DMD: variants seen among roughly 807,000 people sequenced by gnomAD.
The protein encoded by DMD is mutant dystrophin.
Under a neutral mutation model 330.1 loss-of-function variants are expected in DMD, and 63 were observed. That is an observed-to-expected ratio of 0.19 (90% CI 0.16 to 0.24). DMD has a LOEUF of 0.24. Ranked by LOEUF, DMD falls within the 10% of genes least tolerant of loss-of-function variation. DMD has a pLI of 1.00. For missense variants in DMD, 3,344 were observed against 2,684.1 expected (o/e 1.25, Z -5.43); for synonymous variants, 1,223 against 959.8 (o/e 1.27, Z -5.07).
chrX:31,261,367 C>T (rs2050497528), intron 62 of DMD: 1 of 217,993 alleles, frequency 4.6e-6, no homozygotes, highest in Admixed American at 6.3e-5. Context: ...TGGAACACTA[C>T]AGAAAGGACA....
chrX:31,168,028 A>T (rs778344371), intron 74 of DMD, among the ~76,000 whole-genome samples: 2 of 112,315 alleles, frequency 1.8e-5, no homozygotes, highest in South Asian at 7.4e-4. Context: ...GGGATCTAGC[A>T]GGGCTCCATG....
At chrX:31,600,659 T>G (rs1281956540) in intron 55 of DMD, among the ~76,000 whole-genome samples, 2 of 107,858 alleles carry the variant, frequency 1.9e-5, no homozygotes, top group African/African-American at 3.4e-5. Flanking sequence ...AGGAGAGGAC[T>G]AGCAAACCAC....
chrX:31,473,157 G>A (rs1029043631), intron 59 of DMD, among the ~76,000 whole-genome samples: 1 of 103,068 alleles, frequency 9.7e-6, no homozygotes, highest in African/African-American at 3.6e-5. Flanking sequence ...AGAAGTTCGA[G>A]ACCAGCCTGG....
chrX:32,421,173 G>A (rs2098188021), intron 29 of DMD, among the ~76,000 whole-genome samples: 1 of 112,276 alleles, frequency 8.9e-6, no homozygotes, highest in Non-Finnish European at 1.9e-5. Context: ...TGGAGAAGTT[G>A]ATGTGCAAGG....
chrX:31,284,569 C>CTTCTTCTTCTTCTTCTTCTTCTTCTTCT (rs2052930142), intron 62 of DMD, among the ~76,000 whole-genome samples: 1 of 61,695 alleles, frequency 1.6e-5, no homozygotes, highest in African/African-American at 6.4e-5. Flanking sequence ...TCTTCTTCTT[C>CTTCTTCTTCTTCTTCTTCTTCTTCTTCT]TTCTTCTTCT....
At chrX:31,340,255 C>G (rs1301309608) in intron 61 of DMD, among the ~76,000 whole-genome samples, 1 of 112,424 alleles carries the variant, frequency 8.9e-6, no homozygotes, top group Non-Finnish European at 1.9e-5. Context: ...TACAGTGTCT[C>G]ATAATCTGAG....
intron 44 of DMD, among the ~76,000 whole-genome samples, chrX:32,013,319 T>C (rs1015303699): frequency 9.0e-6 from 1 of 110,508 alleles, no homozygotes; most frequent in Non-Finnish European, 1.9e-5. Context: ...ACTCCTGACC[T>C]CGTGATCTGC....
At chrX:32,615,386 A>G (rs2057484102) in intron 11 of DMD, among the ~76,000 whole-genome samples, 1 of 111,335 alleles carries the variant, frequency 9.0e-6, no homozygotes, top group Non-Finnish European at 1.9e-5. Context: ...CATTTCCAGC[A>G]TCAGGGACAT....
chrX:31,807,811 T>C (rs1476961649), intron 50 of DMD, among the ~76,000 whole-genome samples: 3 of 111,824 alleles, frequency 2.7e-5, no homozygotes. Context: ...ATATGGAGTC[T>C]TCATTCATAG....
chrX:32,164,587 A>T (rs1022191219), intron 44 of DMD, among the ~76,000 whole-genome samples: 9 of 111,813 alleles, frequency 8.0e-5, no homozygotes, highest in Non-Finnish European at 1.5e-4. Flanking sequence ...AAGTTTGAAA[A>T]ATTTGCAACC....
intron 60 of DMD, among the ~76,000 whole-genome samples, chrX:31,396,876 G>A (rs1421069074): frequency 8.9e-6 from 1 of 111,770 alleles, no homozygotes; most frequent in African/African-American, 3.3e-5. Flanking sequence ...AAGAATCTGT[G>A]TTAGGCATTT....
intron 52 of DMD, among the ~76,000 whole-genome samples, chrX:31,690,116 A>G (rs2083009597): frequency 8.9e-6 from 1 of 112,073 alleles, no homozygotes; most frequent in South Asian, 3.7e-4. Flanking sequence ...AAAACGGACA[A>G]ATGGGATCTA....
intron 44 of DMD, among the ~76,000 whole-genome samples, chrX:32,157,245 C>A (rs2096833771): frequency 8.9e-6 from 1 of 112,025 alleles, no homozygotes; most frequent in South Asian, 3.7e-4. Flanking sequence ...TCTGTATACA[C>A]ACATCTCCAA....
At chrX:33,070,203 A>G (rs1316549192) in intron 1 of DMD, among the ~76,000 whole-genome samples, 2 of 111,939 alleles carry the variant, frequency 1.8e-5, no homozygotes, top group East Asian at 5.6e-4. Context: ...GAGTAAACAG[A>G]TATGTTTAAG....
Position 31,861,584 on chromosome X carries a change from TAA to T in DMD, c.7098+13602_7098+13603del, listed in dbSNP as rs55938260. 2.4e-3 allele frequency among the ~76,000 whole-genome samples: 198 copies of T among 81,560 alleles called. 1 individual carries two copies. The highest frequency in any genetic ancestry group is 8.0e-3 in the African/African-American group (173 of 21,735). The allele number at this position is 81,560 out of a possible 115,157, so 70.8% of individuals were successfully genotyped here. A position where few individuals can be genotyped will look rare whatever the true frequency, so the allele number is the denominator to read the frequency against. The stretch of plus-strand genomic sequence containing the variant: ...CTTAGAACAGAATAGTATGCAACTG[TAA>T]AAAAAAAAAAAAAGAGACAGTTCTT... On this transcript the variant is annotated intron_variant, in intron 48 of 78. Transcript: ENST00000357033.
At chrX:31,202,322 T>C (rs2043569036) in intron 67 of DMD, among the ~76,000 whole-genome samples, 1 of 112,566 alleles carries the variant, frequency 8.9e-6, no homozygotes, top group African/African-American at 3.2e-5. Flanking sequence ...ATTCATTGTA[T>C]GGAAGTTACT....
chrX:31,423,646 A>C (rs180816622), intron 60 of DMD, among the ~76,000 whole-genome samples: 8 of 111,938 alleles, frequency 7.1e-5, no homozygotes, highest in South Asian at 3.7e-4. Context: ...CAGCTTAGAG[A>C]TGAATCATAC....
At chrX:32,362,322 C>A (rs1411083262) in intron 37 of DMD, among the ~76,000 whole-genome samples, 1 of 111,624 alleles carries the variant, frequency 9.0e-6, no homozygotes, top group African/African-American at 3.3e-5. Context: ...AGAAGATGTA[C>A]AAGACCTCAT....
chrX:32,971,025 A>T (rs1266165247), intron 2 of DMD, among the ~76,000 whole-genome samples: 1 of 109,912 alleles, frequency 9.1e-6, no homozygotes, highest in Non-Finnish European at 1.9e-5. Context: ...GCAGTGGCGC[A>T]ATTTCGGCTC....
Sources: allele counts gnomAD v4.1 joint callset (sites outside exome capture counted in the v4.1 genomes callset), GRCh38; gene constraint gnomAD v4.1.1; transcripts MANE v1.5; gene names NCBI Gene and HGNC (gene_info 2026-07-23, HGNC 2026-07-21).